The following PCDHGB4 variants were observed in gnomAD, a reference collection of about 807,000 sequenced individuals.
PCDHGB4 encodes the protein protocadherin gamma-B4.
A neutral mutation model predicts 60.5 loss-of-function variants in PCDHGB4; 38 were observed. The ratio of observed to expected loss-of-function variants is 0.63; its 90% CI spans 0.48 to 0.82. The LOEUF (loss-of-function observed/expected upper bound fraction) is 0.82. PCDHGB4 is among the 40% of genes least tolerant of loss of function. PCDHGB4 has a pLI of 0.00. For missense variants in PCDHGB4, 1,109 were observed against 1,209.6 expected (o/e 0.92, Z 1.23); for synonymous variants, 456 against 509.7 (o/e 0.89, Z 1.42).
intron 1 of PCDHGB4, chr5:141,398,849 T>G: frequency 6.2e-7 from 1 of 1,613,874 alleles, no homozygotes; most frequent in Admixed American, 1.7e-5. Flanking sequence ...AATCCCCCGG[T>G]ATTCAACCGA....
At chr5:141,422,721 G>A in intron 1 of PCDHGB4, 1 of 1,605,664 alleles carries the variant, frequency 6.2e-7, no homozygotes, top group East Asian at 2.2e-5. Flanking sequence ...ACACTGTCCA[G>A]GGGGTGCCTC....
rs535194185 is a variant in PCDHGB4, at chr5:141,485,480, A to C, written c.2398-9327A>C. 6.2e-7 allele frequency: 1 copy of C among 1,614,154 alleles called. No individual in the cohort carries two copies. The highest frequency in any genetic ancestry group is 1.7e-5 in the Admixed American group (1 of 60,020). On this transcript the variant is annotated intron_variant, in intron 1 of 3. Coordinates refer to ENST00000519479, the MANE Select transcript of PCDHGB4 (RefSeq NM_003736.4). This position sits in a 1 kb window ranked among gnomAD's most constrained non-coding sequence, Gnocchi z 5.7. The stretch of plus-strand genomic sequence containing the variant: ...ACTGTGTGGGCTCAGTGCCAGCTGC[A>C]TCGTGCCCCTGGAGTTTGTCACCGA...
chr5:141,453,796 T>C (rs1592274016), intron 1 of PCDHGB4, among the ~76,000 whole-genome samples: 1 of 152,242 alleles, frequency 6.6e-6, no homozygotes, highest in East Asian at 1.9e-4. Context: ...ATATTAACTT[T>C]GAGTAGTTCC....
intron 2 of PCDHGB4, among the ~76,000 whole-genome samples, chr5:141,501,838 G>C (rs888418141): frequency 6.6e-6 from 1 of 152,000 alleles, no homozygotes; most frequent in African/African-American, 2.4e-5. Flanking sequence ...CACCTGTTTG[G>C]CCCTCAACCT....
chr5:141,460,278 G>C (rs1380767218), intron 1 of PCDHGB4, among the ~76,000 whole-genome samples: 1 of 151,964 alleles, frequency 6.6e-6, no homozygotes, highest in African/African-American at 2.4e-5. Context: ...TTCTTTTATA[G>C]TTTGTATTTC....
Position 141,486,886 on chromosome 5 carries a change from G to A in PCDHGB4, c.2398-7921G>A. The A allele has an allele frequency of 1.9e-6, 3 of 1,614,222 alleles. No individual in the cohort carries two copies. The highest frequency in any genetic ancestry group is 2.5e-6 in the Non-Finnish European group (3 of 1,180,044). ...CAGCTGTGCTCCGTCCTCGGGCCCGGCCTGGTTCCTTATGTCCCCAAGCAC... is the reference window on the plus strand; with the variant it reads ...CAGCTGTGCTCCGTCCTCGGGCCCGACCTGGTTCCTTATGTCCCCAAGCAC... On this transcript the variant is annotated intron_variant, in intron 1 of 3. Coordinates refer to ENST00000519479, the MANE Select transcript of PCDHGB4 (RefSeq NM_003736.4). This position sits in a 1 kb window ranked among gnomAD's most constrained non-coding sequence, Gnocchi z 5.0.
At chr5:141,426,810 C>T (rs769435523) in intron 1 of PCDHGB4, 4 of 456,568 alleles carry the variant, frequency 8.8e-6, no homozygotes, top group Non-Finnish European at 1.8e-5. Flanking sequence ...TTCTAATGAA[C>T]ATTTCTCTCT....
chr5:141,471,124 A>C (rs2099250596), intron 1 of PCDHGB4, among the ~76,000 whole-genome samples: 1 of 141,916 alleles, frequency 7.0e-6, no homozygotes, highest in East Asian at 2.1e-4. Flanking sequence ...TCTTACCTTC[A>C]CTGCAACCTC....
chr5:141,420,460 A>G lies in PCDHGB4; in HGVS notation c.2397+30179A>G, dbSNP rs946386638. On this transcript the variant is annotated intron_variant, in intron 1 of 3. Coordinates refer to ENST00000519479, the MANE Select transcript of PCDHGB4 (RefSeq NM_003736.4). ...AATGCCTCAGTCTTCCTACTATTCA[A>G]AGACATTTTAAAGCAAACTACATGG... The G allele has an allele frequency of 3.4e-6, 3 of 889,944 alleles. No individual in the cohort carries two copies. The African/African-American group carries it at 5.2e-5, about 16-fold the overall frequency. 55.1% of individuals were successfully genotyped at this position (889,944 alleles called of 1,614,324 possible).
Position 141,491,886 on chromosome 5 carries a change from G to A in PCDHGB4, c.2398-2921G>A. On this transcript the variant is annotated intron_variant, in intron 1 of 3. Coordinates refer to ENST00000519479, the MANE Select transcript of PCDHGB4 (RefSeq NM_003736.4). The surrounding 1 kb of genome is among the most constrained non-coding windows in gnomAD (Gnocchi z 6.9). ...CCAGAGTGGCCGATTAAGGGATGGG[G>A]CTCCGAGCACCGGGGGTGGTGGCGA... 6.9e-7 allele frequency: 1 copy of A among 1,445,558 alleles called. No individual in the cohort carries two copies. Among genetic ancestry groups the A allele is most frequent in the Non-Finnish European group, 9.1e-7 (1 of 1,093,458 alleles). 89.5% of individuals were successfully genotyped at this position (1,445,558 alleles called of 1,614,324 possible). A position where few individuals can be genotyped will look rare whatever the true frequency, so the allele number is the denominator to read the frequency against.
intron 1 of PCDHGB4, chr5:141,400,304 G>T: frequency 6.2e-7 from 1 of 1,614,048 alleles, no homozygotes; most frequent in African/African-American, 1.3e-5. Context: ...TTCCAACCTG[G>T]TCTCTGTGTC....
chr5:141,408,277 C>T (rs367948897), intron 1 of PCDHGB4: 2 of 1,611,980 alleles, frequency 1.2e-6, no homozygotes, highest in African/African-American at 1.3e-5. Context: ...TGCCTTTGTT[C>T]TACCCCACCC....
At chr5:141,394,739 C>T (rs377359689) in intron 1 of PCDHGB4, 4 of 1,613,390 alleles carry the variant, frequency 2.5e-6, no homozygotes, top group Non-Finnish European at 3.4e-6. Flanking sequence ...AGCAGAGCCT[C>T]GTGGTGGCCG....
rs748660721 is a variant in PCDHGB4 at position 141,485,346 on chromosome 5, G to A, written c.2398-9461G>A. The A allele has an allele frequency of 1.2e-6, 2 of 1,614,178 alleles. No individual in the cohort carries two copies. Among genetic ancestry groups the A allele is most frequent in the South Asian group, 2.2e-5 (2 of 91,088 alleles). ...CAAGATTTCCTGCTGGATACGGACA[G>A]TCTGTCAGCTCGCAGGCTGCAGGTC... On this transcript the variant is annotated intron_variant, in intron 1 of 3. Transcript: ENST00000519479. This position sits in a 1 kb window ranked among gnomAD's most constrained non-coding sequence, Gnocchi z 5.7.
At chr5:141,393,590 G>C (rs778378242) in intron 1 of PCDHGB4, 2 of 1,613,896 alleles carry the variant, frequency 1.2e-6, no homozygotes, top group South Asian at 1.1e-5. Context: ...CCCCAGGCAC[G>C]CGGCTGCTTA....
intron 1 of PCDHGB4, among the ~76,000 whole-genome samples, chr5:141,450,470 AGTTT>A (rs199699353): frequency 4.6e-5 from 7 of 151,680 alleles, no homozygotes; most frequent in Non-Finnish European, 8.8e-5. Flanking sequence ...TTATATATAG[AGTTT>A]GTTTGTTTGT....
chr5:141,463,208 C>G (rs895284460), intron 1 of PCDHGB4, among the ~76,000 whole-genome samples: 1 of 152,090 alleles, frequency 6.6e-6, no homozygotes, highest in African/African-American at 2.4e-5. Flanking sequence ...CTTGGGGATC[C>G]ATATTAATAT....
At chr5:141,419,125 C>T in intron 1 of PCDHGB4, 1 of 1,613,852 alleles carries the variant, frequency 6.2e-7, no homozygotes, top group South Asian at 1.1e-5. Flanking sequence ...ACGTCACCAT[C>T]GCAGCCACAG....
chr5:141,500,433 T>C (rs1398344932), intron 2 of PCDHGB4, among the ~76,000 whole-genome samples: 1 of 151,764 alleles, frequency 6.6e-6, no homozygotes, highest in East Asian at 1.9e-4. Context: ...ATGGTCTCGA[T>C]CTCCTGACCT....
Sources: gnomAD v4.1 joint callset for allele counts (sites outside exome capture counted in the v4.1 genomes callset) on GRCh38, gnomAD v4.1.1 for gene constraint, Gnocchi (gnomAD v3.1) non-coding constraint, MANE v1.5 for transcripts, NCBI Gene and HGNC (gene_info 2026-07-23, HGNC 2026-07-21) for gene names.